NRXN1: variants seen among roughly 807,000 people sequenced by gnomAD.
NRXN1 encodes neurexin-1.
NRXN1 carries 39 observed loss-of-function variants against 150.9 expected under a neutral mutation model. That is an observed-to-expected ratio of 0.26 (90% CI 0.20 to 0.34). The LOEUF (loss-of-function observed/expected upper bound fraction) is 0.34, where lower values mean the gene tolerates loss of function less well. NRXN1 is among the 10% of genes least tolerant of loss of function. The pLI, the probability that NRXN1 is intolerant of heterozygous loss-of-function variation, is 1.00. For missense variants in NRXN1, 1,815 were observed against 1,949.9 expected, an observed-to-expected ratio of 0.93 and a Z score of 1.30; for synonymous variants, 924 against 757.0, an observed-to-expected ratio of 1.22 and a Z score of -3.62.
rs745993564 is a variant in NRXN1, at chr2:50,552,801, G to A, written c.1545C>T (p.Gly515=). ...SFDFRTTEPN[G]LILFSHGKPR... ...GCTTGCCATGGCTAAATAAGATGAG[G>A]CCATTTGGCTCTGTTGTACGGAAAT... Residue 515 remains glycine (G), a synonymous_variant, in exon 9 of 23, where the codon GGC becomes GGT. Transcript: ENST00000401669. 3.1e-6 allele frequency: 5 copies of A among 1,613,952 alleles called. No homozygotes were observed. The South Asian group carries it at 5.5e-5, about 18-fold the overall frequency.
chr2:50,987,913 T>C (rs1315191036), intron 2 of NRXN1, among the ~76,000 whole-genome samples: 2 of 151,992 alleles, frequency 1.3e-5, no homozygotes, highest in Non-Finnish European at 2.9e-5. Flanking sequence ...GTTATTCCAA[T>C]GATCCTCAGC....
chr2:50,377,667 C>G (rs777738090), intron 17 of NRXN1, among the ~76,000 whole-genome samples: 1 of 152,126 alleles, frequency 6.6e-6, no homozygotes, highest in African/African-American at 2.4e-5. Context: ...CAGTTCCTAC[C>G]TTGTTCTCAC....
intron 5 of NRXN1, among the ~76,000 whole-genome samples, chr2:50,751,784 G>A (rs1190725290): frequency 1.3e-5 from 2 of 151,950 alleles, no homozygotes; most frequent in Non-Finnish European, 2.9e-5. Context: ...TCATTTTCCA[G>A]ACTAAAGATA....
chr2:51,012,495 T>G (rs751330338), intron 2 of NRXN1, among the ~76,000 whole-genome samples: 1 of 152,070 alleles, frequency 6.6e-6, no homozygotes, highest in Non-Finnish European at 1.5e-5. Flanking sequence ...AGCACACATG[T>G]GTACCTTATT....
rs528145089 is a variant in NRXN1 at position 50,983,195 on chromosome 2, C to G, written c.772+44307G>C. Among the ~76,000 whole-genome samples the G allele has an allele frequency of 3.8e-4, 58 of 152,146 alleles. 1 individual carries two copies. The highest frequency in any genetic ancestry group is 6.5e-4 in the Non-Finnish European group (44 of 67,986). ...TCCACTTTTTGCCATTTATTTAAAT[C>G]TAATTAAATGCTCTTAATTGTATAT... is the stretch of plus-strand genomic sequence containing the variant. On this transcript the variant is annotated intron_variant, in intron 2 of 22. Coordinates refer to ENST00000401669, the MANE Select transcript of NRXN1 (RefSeq NM_001330078.2).
intron 18 of NRXN1, among the ~76,000 whole-genome samples, chr2:50,191,209 T>TG (rs113122775): frequency 0.22 from 32,508 of 150,140 alleles, 4,180 homozygotes; most frequent in East Asian, 0.4. Flanking sequence ...TTTTTTGTTT[T>TG]TTTTTTTTTT....
intron 19 of NRXN1, among the ~76,000 whole-genome samples, 181 bp from the exon 20 acceptor site, chr2:50,055,225 G>T (rs571239286): frequency 2.3e-3 from 344 of 152,054 alleles, no homozygotes; most frequent in African/African-American, 7.9e-3. Context: ...TTTTATTTTA[G>T]CAAACAAAAT....
intron 17 of NRXN1, among the ~76,000 whole-genome samples, chr2:50,283,094 T>C (rs1411595528): frequency 6.6e-6 from 1 of 152,222 alleles, no homozygotes; most frequent in Non-Finnish European, 1.5e-5. Flanking sequence ...TTCTTCATTG[T>C]TGATTGTCAA....
intron 5 of NRXN1, among the ~76,000 whole-genome samples, chr2:50,801,654 T>C (rs1207136520): frequency 6.6e-6 from 1 of 152,100 alleles, no homozygotes; most frequent in African/African-American, 2.4e-5. Flanking sequence ...AAAGCAAATA[T>C]CAGTTTATAT....
At chr2:50,315,024 T>C (rs373156636) in intron 17 of NRXN1, among the ~76,000 whole-genome samples, 34 of 152,176 alleles carry the variant, frequency 2.2e-4, no homozygotes, top group African/African-American at 7.7e-4. Context: ...AAAATGTATA[T>C]TTCTGTTAAT....
intron 18 of NRXN1, among the ~76,000 whole-genome samples, chr2:50,175,672 C>A (rs545132252): frequency 2.2e-4 from 33 of 151,764 alleles, no homozygotes; most frequent in Admixed American, 1.5e-3. Context: ...TATACATTTA[C>A]AACAAAGAAA....
At chr2:50,985,851 T>C (rs1454140841) in intron 2 of NRXN1, among the ~76,000 whole-genome samples, 1 of 151,688 alleles carries the variant, frequency 6.6e-6, no homozygotes, top group Non-Finnish European at 1.5e-5. Context: ...AAAGACTATA[T>C]AATGGCTGAT....
chr2:50,526,099 G>T (rs1459245770), intron 12 of NRXN1, among the ~76,000 whole-genome samples: 1 of 152,152 alleles, frequency 6.6e-6, no homozygotes, highest in Non-Finnish European at 1.5e-5. Context: ...TACAAATGCT[G>T]TAAACTTGGC....
chr2:50,499,947 C>CA (rs34753485), intron 13 of NRXN1, among the ~76,000 whole-genome samples: 29,943 of 87,452 alleles, frequency 0.34, 5,396 homozygotes, highest in African/African-American at 0.55. Context: ...GACTCCATCT[C>CA]AAAAAAAAAA....
intron 17 of NRXN1, among the ~76,000 whole-genome samples, chr2:50,405,280 A>G (rs1438440795): frequency 1.3e-5 from 2 of 152,212 alleles, no homozygotes; most frequent in Admixed American, 6.5e-5. Flanking sequence ...TCAACACATG[A>G]GCCTACCAAA....
intron 2 of NRXN1, among the ~76,000 whole-genome samples, chr2:50,996,421 A>G (rs1394624350): frequency 6.6e-6 from 1 of 152,092 alleles, no homozygotes; most frequent in African/African-American, 2.4e-5. Context: ...GCACAAGGCC[A>G]GTTTAAACCA....
intron 17 of NRXN1, among the ~76,000 whole-genome samples, chr2:50,405,138 T>A (rs545492760): frequency 1.3e-5 from 2 of 152,252 alleles, no homozygotes; most frequent in Admixed American, 1.3e-4. Context: ...AGTCAATATA[T>A]CTGGACTGAA....
At chr2:50,809,704 G>C (rs1390764807) in intron 5 of NRXN1, among the ~76,000 whole-genome samples, 1 of 152,104 alleles carries the variant, frequency 6.6e-6, no homozygotes, top group Non-Finnish European at 1.5e-5. Flanking sequence ...GGTCAGAGGA[G>C]GGGATGACAG....
chr2:50,214,243 G>A (rs1446666484), intron 18 of NRXN1, among the ~76,000 whole-genome samples: 1 of 151,946 alleles, frequency 6.6e-6, no homozygotes, highest in Non-Finnish European at 1.5e-5. Context: ...AGCCCTGTAG[G>A]AAGAACTAGC....
Sources: allele counts gnomAD v4.1 joint callset (sites outside exome capture counted in the v4.1 genomes callset), GRCh38; gene constraint gnomAD v4.1.1; transcripts MANE v1.5; gene names NCBI Gene and HGNC (gene_info 2026-07-23, HGNC 2026-07-21).